The following DCDC2C variants were observed in gnomAD, a reference collection of about 807,000 sequenced individuals.
DCDC2C encodes doublecortin domain containing 2C.
Under a neutral mutation model 45.0 loss-of-function variants are expected in DCDC2C, and 44 were observed. The observed-to-expected ratio is 0.98, with a 90% confidence interval of 0.77 to 1.26. The LOEUF is 1.26. Among genes scored for constraint, DCDC2C ranks in the 50% most tolerant of loss-of-function variants. The pLI is 0.00. For missense variants in DCDC2C, 447 were observed against 468.9 expected (o/e 0.95, Z 0.43); for synonymous variants, 187 against 178.8 (o/e 1.05, Z -0.37).
At chr2:3,832,161 A>C (rs1392919349) in intron 10 of DCDC2C, among the ~76,000 whole-genome samples, 1 of 152,212 alleles carries the variant, frequency 6.6e-6, no homozygotes, top group Non-Finnish European at 1.5e-5. Context: ...ATCTGCCAAC[A>C]CTAAATGGTT....
chr2:3,705,288 A>T (rs1327916568), intron 1 of DCDC2C, among the ~76,000 whole-genome samples: 1 of 152,242 alleles, frequency 6.6e-6, no homozygotes, highest in Non-Finnish European at 1.5e-5. Flanking sequence ...TAAGAGGTAG[A>T]ATCTGGATTA....
At chr2:3,808,778 T>C (rs974400642) in intron 10 of DCDC2C, among the ~76,000 whole-genome samples, 5 of 152,238 alleles carry the variant, frequency 3.3e-5, no homozygotes, top group African/African-American at 1.2e-4. Flanking sequence ...ATCAATCTTT[T>C]CTCTCACGGA....
chr2:3,743,808 C>T (rs1021747554), intron 4 of DCDC2C, among the ~76,000 whole-genome samples: 4 of 152,200 alleles, frequency 2.6e-5, no homozygotes, highest in African/African-American at 9.6e-5. Flanking sequence ...TGGCTCACGC[C>T]TGTAATCCCA....
intron 10 of DCDC2C, among the ~76,000 whole-genome samples, chr2:3,811,097 T>C (rs1186645172): frequency 2.0e-5 from 3 of 152,178 alleles, no homozygotes; most frequent in African/African-American, 7.2e-5. Flanking sequence ...CTTAAAATAG[T>C]TTTTTCTAAT....
chr2:3,843,189 AC>A (rs1276842662), intron 10 of DCDC2C, among the ~76,000 whole-genome samples: 1 of 152,136 alleles, frequency 6.6e-6, no homozygotes, highest in African/African-American at 2.4e-5. Flanking sequence ...GGAGTCCTGG[AC>A]CCAGGCAGGG....
intron 3 of DCDC2C, among the ~76,000 whole-genome samples, chr2:3,730,666 A>G (rs1668842216): frequency 6.6e-6 from 1 of 152,126 alleles, no homozygotes; most frequent in African/African-American, 2.4e-5. Context: ...TGCTTAATTG[A>G]TCACAGGTTC....
intron 9 of DCDC2C, 65 bp from the exon 10 acceptor site, chr2:3,784,994 T>A (rs1221441792): frequency 4.6e-5 from 52 of 1,141,738 alleles, no homozygotes; most frequent in Admixed American, 8.5e-5. Context: ...TGGGGGAGAT[T>A]AAGGATTTAT....
At chr2:3,782,899 G>T (rs544518876) in intron 9 of DCDC2C, among the ~76,000 whole-genome samples, 1 of 152,296 alleles carries the variant, frequency 6.6e-6, no homozygotes, top group East Asian at 1.9e-4. Context: ...TAATGGTTTT[G>T]AAAAGGTTCA....
At chr2:3,736,303 T>C (rs1158332876) in intron 3 of DCDC2C, among the ~76,000 whole-genome samples, 2 of 152,048 alleles carry the variant, frequency 1.3e-5, no homozygotes, top group African/African-American at 4.8e-5. Context: ...CACAGAAATG[T>C]TTTGAGGTTG....
chr2:3,728,080 C>T (rs901913048), intron 3 of DCDC2C, among the ~76,000 whole-genome samples: 1 of 152,108 alleles, frequency 6.6e-6, no homozygotes, highest in African/African-American at 2.4e-5. Context: ...ATGTGGGGGT[C>T]CCAGCCTTGT....
intron 2 of DCDC2C, among the ~76,000 whole-genome samples, chr2:3,712,253 C>T (rs34429864): frequency 0.28 from 43,024 of 152,030 alleles, 7,336 homozygotes; most frequent in Non-Finnish European, 0.39. Flanking sequence ...GTCACAGGAC[C>T]GAAGGCTGCC....
intron 6 of DCDC2C, among the ~76,000 whole-genome samples, chr2:3,766,268 A>G (rs114253436): frequency 6.6e-6 from 1 of 151,972 alleles, no homozygotes; most frequent in African/African-American, 2.4e-5. Context: ...CAGAGATAAT[A>G]GGACACCACA....
chr2:3,762,480 G>C (rs1323879505), intron 6 of DCDC2C, among the ~76,000 whole-genome samples: 1 of 152,146 alleles, frequency 6.6e-6, no homozygotes, highest in African/African-American at 2.4e-5. Context: ...AGGAAGCATG[G>C]GAATAGCATC....
intron 1 of DCDC2C, among the ~76,000 whole-genome samples, chr2:3,707,005 G>A (rs1206246460): frequency 2.0e-5 from 3 of 152,208 alleles, no homozygotes; most frequent in Non-Finnish European, 4.4e-5. Context: ...GGATTCTCAT[G>A]GGTGGTTTCT....
At chr2:3,730,893 C>T (rs1446878367) in intron 3 of DCDC2C, among the ~76,000 whole-genome samples, 1 of 152,214 alleles carries the variant, frequency 6.6e-6, no homozygotes, top group East Asian at 1.9e-4. Context: ...CAAGCTATGT[C>T]TTGGGTGTGA....
intron 10 of DCDC2C, among the ~76,000 whole-genome samples, chr2:3,791,266 G>A (rs1035242699): frequency 6.6e-6 from 1 of 152,204 alleles, no homozygotes; most frequent in African/African-American, 2.4e-5. Context: ...ACAAGGTATT[G>A]CATTGGCATT....
chr2:3,794,969 G>A (rs967790714), intron 10 of DCDC2C, among the ~76,000 whole-genome samples: 244 of 152,204 alleles, frequency 1.6e-3, no homozygotes, highest in Admixed American at 4.3e-3. Flanking sequence ...GAACTAGTTT[G>A]CAGTCCCACC....
chr2:3,735,457 C>G (rs1668998563), intron 3 of DCDC2C, among the ~76,000 whole-genome samples: 1 of 151,704 alleles, frequency 6.6e-6, no homozygotes, highest in Non-Finnish European at 1.5e-5. Context: ...TGTTCCCCTT[C>G]CTGTGTCCAT....
intron 7 of DCDC2C, 109 bp from the exon 8 acceptor site, chr2:3,769,202 G>T: frequency 9.5e-7 from 1 of 1,051,552 alleles, no homozygotes. Context: ...TGGCCTGCCC[G>T]AAGCTCCAGG....
Sources: allele counts gnomAD v4.1 joint callset (sites outside exome capture counted in the v4.1 genomes callset), GRCh38; gene constraint gnomAD v4.1.1; transcripts MANE v1.5; gene names NCBI Gene and HGNC (gene_info 2026-07-23, HGNC 2026-07-21).